Variants in PDE1A observed in about 807,000 individuals in gnomAD.
PDE1A encodes phosphodiesterase 1A, also known as dual specificity calcium/calmodulin-dependent 3',5'-cyclic nucleotide phosphodiesterase 1A.
Under a neutral mutation model 61.7 loss-of-function variants are expected in PDE1A, and 35 were observed. The ratio of observed to expected loss-of-function variants is 0.57; its 90% CI spans 0.43 to 0.75. The LOEUF (loss-of-function observed/expected upper bound fraction) is 0.75, where lower values mean the gene tolerates loss of function less well. PDE1A is among the 30% of genes least tolerant of loss of function. The probability of loss-of-function intolerance (pLI) is 0.00; values close to 1 mark genes in which losing one functional copy is unlikely to be tolerated. For missense variants in PDE1A, 597 were observed against 630.6 expected, an observed-to-expected ratio of 0.95 and a Z score of 0.57; for synonymous variants, 232 against 213.2, an observed-to-expected ratio of 1.09 and a Z score of -0.77.
chr2:182,406,367 T>C (rs1702297626), intron 1 of PDE1A, among the ~76,000 whole-genome samples: 1 of 90,484 alleles, frequency 1.1e-5, no homozygotes, highest in Non-Finnish European at 2.4e-5. Flanking sequence ...GTTTTTTGGC[T>C]CACAGTAAAA....
the PDE1A span, among the ~76,000 whole-genome samples, chr2:182,698,345 G>C: frequency 1.3e-5 from 2 of 151,394 alleles, no homozygotes; most frequent in Non-Finnish European, 3.0e-5. Context: ...GTATCTTAAG[G>C]TAAGAAATCT....
intron 2 of PDE1A, among the ~76,000 whole-genome samples, chr2:182,516,836 AGGGAGGGAGGG>A (rs770399933): frequency 0.3 from 9,221 of 30,502 alleles, 361 homozygotes; most frequent in Middle Eastern, 0.42. Flanking sequence ...GAAGGAAGGG[AGGGAGGGAGGG>A]AGGGAGGGAG....
intron 13 of PDE1A, among the ~76,000 whole-genome samples, chr2:182,159,295 A>G (rs1027211335): frequency 2.0e-5 from 3 of 152,210 alleles, no homozygotes; most frequent in African/African-American, 4.8e-5. Flanking sequence ...TTAGATAAAG[A>G]TGGTCCATTT....
the PDE1A span, among the ~76,000 whole-genome samples, chr2:182,654,018 C>T: frequency 2.6e-4 from 39 of 152,130 alleles, no homozygotes; most frequent in Admixed American, 1.1e-3. Context: ...ATCAGAGTCC[C>T]CACAGACTAT....
At chr2:182,332,998 G>A (rs1697524286) in intron 1 of PDE1A, among the ~76,000 whole-genome samples, 2 of 152,126 alleles carry the variant, frequency 1.3e-5, no homozygotes, top group South Asian at 4.1e-4. Flanking sequence ...ATTACATAAT[G>A]GTAAACGAAC....
At chr2:182,569,716 A>C in the PDE1A span, among the ~76,000 whole-genome samples, 1 of 152,226 alleles carries the variant, frequency 6.6e-6, no homozygotes, top group African/African-American at 2.4e-5. Flanking sequence ...GAAGTTCAGC[A>C]ATTGAGGGAG....
chr2:182,407,509 G>A (rs1574578758), intron 1 of PDE1A, among the ~76,000 whole-genome samples: 1 of 152,020 alleles, frequency 6.6e-6, no homozygotes, highest in African/African-American at 2.4e-5. Context: ...AGTCTCTGGA[G>A]TAGCTGGGAC....
At chr2:182,475,250 G>A (rs569138931) in intron 2 of PDE1A, among the ~76,000 whole-genome samples, 2 of 152,024 alleles carry the variant, frequency 1.3e-5, no homozygotes, top group South Asian at 4.1e-4. Context: ...CAGGAAAAAA[G>A]ACCAAGATGA....
At chr2:182,568,268 A>T in the PDE1A span, among the ~76,000 whole-genome samples, 626 of 152,336 alleles carry the variant, frequency 4.1e-3, no homozygotes, top group Non-Finnish European at 6.8e-3. Flanking sequence ...AACTTAAGAA[A>T]AAAACATTTT....
chr2:182,334,870 G>A (rs1265363689), intron 1 of PDE1A, among the ~76,000 whole-genome samples: 1 of 152,152 alleles, frequency 6.6e-6, no homozygotes, highest in Non-Finnish European at 1.5e-5. Context: ...TGTATATTCA[G>A]AAAACCCCAT....
At chr2:182,501,938 C>T (rs898485477) in intron 2 of PDE1A, among the ~76,000 whole-genome samples, 5 of 152,120 alleles carry the variant, frequency 3.3e-5, no homozygotes, top group South Asian at 4.2e-4. Context: ...TGCCCTGAAC[C>T]TCTGAGCCTG....
At chr2:182,219,776 A>G (rs1688563697) in intron 7 of PDE1A, among the ~76,000 whole-genome samples, 1 of 152,050 alleles carries the variant, frequency 6.6e-6, no homozygotes, top group Non-Finnish European at 1.5e-5. Context: ...AAAAATGAAA[A>G]GTTCCCACTA....
chr2:182,219,470 T>C (rs551271512), intron 7 of PDE1A, among the ~76,000 whole-genome samples: 25 of 152,224 alleles, frequency 1.6e-4, no homozygotes, highest in African/African-American at 5.8e-4. Context: ...AAAATCACTA[T>C]GTTCAATCTC....
At chr2:182,570,997 G>A in the PDE1A span, among the ~76,000 whole-genome samples, 27 of 152,236 alleles carry the variant, frequency 1.8e-4, no homozygotes, top group African/African-American at 5.8e-4. Context: ...AAAATCATTC[G>A]TAAGGTTCTT....
chr2:182,413,083 C>T (rs1001990215), intron 1 of PDE1A, among the ~76,000 whole-genome samples: 4 of 151,984 alleles, frequency 2.6e-5, no homozygotes, highest in African/African-American at 4.8e-5. Flanking sequence ...GGAAGGGAAG[C>T]GTAAGACAGG....
chr2:182,380,504 T>A (rs1700672911), intron 1 of PDE1A, among the ~76,000 whole-genome samples: 1 of 152,162 alleles, frequency 6.6e-6, no homozygotes, highest in Non-Finnish European at 1.5e-5. Flanking sequence ...GTGATACATT[T>A]TCTGGTTCGT....
chr2:182,317,413 T>C (rs1034608984), intron 1 of PDE1A, among the ~76,000 whole-genome samples: 3 of 152,156 alleles, frequency 2.0e-5, no homozygotes, highest in African/African-American at 7.2e-5. Context: ...ACACCTACTA[T>C]GCACCAAGTA....
the PDE1A span, among the ~76,000 whole-genome samples, chr2:182,627,769 C>A: frequency 6.6e-6 from 1 of 151,200 alleles, no homozygotes; most frequent in Non-Finnish European, 1.5e-5. Flanking sequence ...CTTGTGAGAC[C>A]CCATCTCTAC....
chr2:182,197,480 C>A (rs186964101), intron 10 of PDE1A, among the ~76,000 whole-genome samples: 3 of 151,036 alleles, frequency 2.0e-5, no homozygotes, highest in Non-Finnish European at 3.0e-5. Context: ...TACCTACCCC[C>A]GAGATTAGAG....
Sources: allele counts gnomAD v4.1 joint callset (sites outside exome capture counted in the v4.1 genomes callset), GRCh38; gene constraint gnomAD v4.1.1; transcripts MANE v1.5; gene names NCBI Gene and HGNC (gene_info 2026-07-23, HGNC 2026-07-21).